Variants in DBP observed in about 807,000 individuals in gnomAD.
DBP encodes D site-binding protein.
DBP carries 12 observed loss-of-function variants against 21.4 expected under a neutral mutation model. That is an observed-to-expected ratio of 0.56 (90% CI 0.36 to 0.91). The LOEUF (loss-of-function observed/expected upper bound fraction) is 0.91, where lower values mean the gene tolerates loss of function less well. Among genes scored for constraint, DBP ranks in the 40% least tolerant of loss-of-function variants. The pLI is 0.01. For missense variants in DBP, 423 were observed against 473.4 expected (o/e 0.89, Z 0.99); for synonymous variants, 213 against 224.9 (o/e 0.95, Z 0.47).
At position 48,636,964 on chromosome 19, in the gene DBP, C is replaced by G. The variant is rs2030833497; in HGVS notation, c.31G>C (p.Ala11Pro). ...GCCGGGCCGCCCAGCAGCAGAGGGG[C>G]CGGGGTCCTGTCGCTCACAGGCCGC... MARPVSDRTP[A>P]PLLLGGPAGT... The change falls in exon 1 of 4, where the codon GCC (alanine) becomes CCC (proline). Residue 11 changes from alanine (A) to proline (P), a missense_variant. By Grantham distance (27) the Ala-to-Pro change is conservative. This residue lies in a region of DBP where 283 missense variants were observed against 273.7 expected (regional missense o/e 1.03). Transcript: ENST00000222122. The G allele has an allele frequency of 6.5e-7, 1 of 1,537,112 alleles. No individual in the cohort carries two copies. The highest frequency in any genetic ancestry group is 1.4e-5 in the African/African-American group (1 of 72,504).
At position 48,630,836 on chromosome 19, in the gene DBP, C is replaced by T. The variant is rs371192457; in HGVS notation, c.*1G>A. The T allele has an allele frequency of 1.3e-6, 2 of 1,584,228 alleles. No homozygotes were observed. Among genetic ancestry groups the T allele is most frequent in the African/African-American group, 1.3e-5 (1 of 74,684 alleles). ...CCGCCAGGTGGGGATGTGGGGCAGC[C>T]TCACAGGGCCCCGTGCTGGGCCTGG... On this transcript the variant is annotated 3_prime_UTR_variant, in exon 4 of 4. Transcript: ENST00000222122. This position sits in a 1 kb window ranked among gnomAD's most constrained non-coding sequence, Gnocchi z 4.9.
rs1297258985 is a variant in DBP at position 48,630,622 on chromosome 19, T to C, written c.*215A>G. On this transcript the variant is annotated 3_prime_UTR_variant, in exon 4 of 4. Transcript: ENST00000222122. This position sits in a 1 kb window ranked among gnomAD's most constrained non-coding sequence, Gnocchi z 4.9. ...GGAGGCGGTGGGAGGATAGGGTCCC[T>C]GACGTGCCGGGGACACACACAGAGA... is the stretch of plus-strand genomic sequence containing the variant. 10 of 1,513,880 alleles carry C rather than the reference T, an allele frequency of 6.6e-6. No homozygotes were observed. The highest frequency in any genetic ancestry group is 1.4e-5 in the African/African-American group (1 of 72,126). 93.8% of individuals were successfully genotyped at this position (1,513,880 alleles called of 1,614,324 possible).
At chr19:48,636,715 A>C (rs1480143385) in intron 1 of DBP, 141 bp downstream of exon 1, 2 of 1,083,818 alleles carry the variant, frequency 1.8e-6, no homozygotes, top group African/African-American at 3.3e-5. Context: ...CTAGGGGCCT[A>C]AACACCTGAG....
In DBP at chr19:48,630,293, G is replaced by A. The variant is rs1178001534; in HGVS notation, c.*544C>T. On this transcript the variant is annotated 3_prime_UTR_variant, in exon 4 of 4. Transcript: ENST00000222122. The surrounding 1 kb of genome is among the most constrained non-coding windows in gnomAD (Gnocchi z 4.9). Reference sequence around the variant, plus strand: ...TGCACTAATGTTCCTCTCCCCGCGGGTGGGGGCGGGGAAATTCATATCCCC... The same window carrying A: ...TGCACTAATGTTCCTCTCCCCGCGGATGGGGGCGGGGAAATTCATATCCCC... The A allele has an allele frequency of 1.8e-5, 23 of 1,287,266 alleles. No individual in the cohort carries two copies. The highest frequency in any genetic ancestry group is 2.3e-5 in the Non-Finnish European group (23 of 1,018,008). The allele number at this position is 1,287,266 out of a possible 1,614,324, so 79.7% of individuals were successfully genotyped here.
intron 1 of DBP, among the ~76,000 whole-genome samples, chr19:48,636,467 C>G (rs1383462406): frequency 6.6e-6 from 1 of 152,054 alleles, no homozygotes; most frequent in African/African-American, 2.4e-5. Flanking sequence ...TCCCTCATCC[C>G]TAGACTCCAT....
Position 48,635,669 on chromosome 19 carries a change from G to C in DBP, c.461C>G (p.Pro154Arg). Residue 154 changes from proline (P) to arginine (R), a missense_variant, in exon 2 of 4, where the codon CCG becomes CGG. Transcript: ENST00000222122. ...GGGGGAAGCCGAGCCGCACGAACCC[G>C]GCCCTGGGGAGGGTGCGGGCGTCCG... ...PARTPAPSPG[P>R]GSCGSASPRS... 6 of 1,308,360 alleles carry C rather than the reference G, an allele frequency of 4.6e-6. No individual in the cohort carries two copies. The African/African-American group carries it at 6.2e-5, about 14-fold the overall frequency. 81.0% of individuals were successfully genotyped at this position (1,308,360 alleles called of 1,614,324 possible).
rs1333126710 is a variant in DBP at position 48,635,328 on chromosome 19, A to G, written c.550+252T>C. The G allele has an allele frequency of 5.4e-6, 7 of 1,290,224 alleles. No homozygotes were observed. In the Admixed American group the frequency reaches 2.2e-4, roughly 41 times the overall value. The allele number at this position is 1,290,224 out of a possible 1,614,324, so 79.9% of individuals were successfully genotyped here. A position where few individuals can be genotyped will look rare whatever the true frequency, so the allele number is the denominator to read the frequency against. On this transcript the variant is annotated intron_variant, in intron 2 of 3. Transcript: ENST00000222122. ...GTTTGTCCCCAAGTCCCACAGAAAA[A>G]CCCACAAAATCTCATTGGGCAGGCT...
rs769328103 is a variant in DBP at position 48,635,943 on chromosome 19, T to G, written c.187A>C (p.Thr63Pro). Residue 63 changes from threonine to proline, a missense_variant, in exon 2 of 4, where the codon ACC becomes CCC. This residue lies in a region of DBP where 283 missense variants were observed against 273.7 expected (regional missense o/e 1.03). Transcript: ENST00000222122. ...ERKAALPAAT[T>P]PGPGLETAGP... ...GCAGTCTCCAGGCCTGGCCCAGGGGTTGTGGCTGCAGGCAGGGCCGCCTTG... is the reference window on the plus strand; with the variant it reads ...GCAGTCTCCAGGCCTGGCCCAGGGGGTGTGGCTGCAGGCAGGGCCGCCTTG... 7.2e-5 allele frequency: 110 copies of G among 1,525,698 alleles called. No individual in the cohort carries two copies. Among genetic ancestry groups the G allele is most frequent in the Non-Finnish European group, 8.7e-5 (99 of 1,143,922 alleles). The allele number at this position is 1,525,698 out of a possible 1,614,324, so 94.5% of individuals were successfully genotyped here.
Position 48,630,449 on chromosome 19 carries a change from A to G in DBP, c.*388T>C. On this transcript the variant is annotated 3_prime_UTR_variant, in exon 4 of 4. Coordinates refer to ENST00000222122, the MANE Select transcript of DBP (RefSeq NM_001352.5). This position sits in a 1 kb window ranked among gnomAD's most constrained non-coding sequence, Gnocchi z 4.9. ...CATCCGACAGCCCGCGGGAGGACTC[A>G]GACTCCAGCACTTCCAGCAGCGCCT... 2.1e-6 allele frequency: 3 copies of G among 1,453,074 alleles called. No homozygotes were observed. The highest frequency in any genetic ancestry group is 2.7e-6 in the Non-Finnish European group (3 of 1,107,312). 90.0% of individuals were successfully genotyped at this position (1,453,074 alleles called of 1,614,324 possible).
In DBP at chr19:48,636,771, G is replaced by A. The variant is rs1160477664; in HGVS notation, c.139+85C>T. The A allele has an allele frequency of 2.7e-6, 4 of 1,501,738 alleles. No individual in the cohort carries two copies. In the East Asian group the frequency reaches 7.2e-5, roughly 27 times the overall value. 93.0% of individuals were successfully genotyped at this position (1,501,738 alleles called of 1,614,324 possible). ...GGGAAGATGGACTCCCCGCACGCAGGTTTCTATGGGACCCCACCCCACGGC... is the reference window on the plus strand; with the variant it reads ...GGGAAGATGGACTCCCCGCACGCAGATTTCTATGGGACCCCACCCCACGGC... On this transcript the variant is annotated intron_variant, in intron 1 of 3. Transcript: ENST00000222122.
intron 1 of DBP, 127 bp downstream of exon 1, chr19:48,636,729 T>C: frequency 1.7e-6 from 2 of 1,157,738 alleles, no homozygotes; most frequent in Non-Finnish European, 2.4e-6. Context: ...ACCTGAGTAA[T>C]TGAGTAGATT....
intron 3 of DBP, chr19:48,631,834 T>A (rs2030600387): frequency 6.6e-6 from 1 of 152,128 alleles, no homozygotes; most frequent in South Asian, 2.1e-4. Flanking sequence ...AAAGCCCAGT[T>A]CCTGCTTGTG....
At position 48,634,613 on chromosome 19, in the gene DBP, T is replaced by C. The variant is rs531613092; in HGVS notation, c.551-958A>G. On this transcript the variant is annotated intron_variant, in intron 2 of 3. Transcript: ENST00000222122. ...CTCCCTTCCTCCCAGGCCCCCGCCATCGGCGCCCTCACGTTCCCCCGGCCC... is the reference window on the plus strand; with the variant it reads ...CTCCCTTCCTCCCAGGCCCCCGCCACCGGCGCCCTCACGTTCCCCCGGCCC... The C allele has an allele frequency of 3.6e-4, 309 of 850,218 alleles. 3 individuals carry two copies. The South Asian group carries it at 4.4e-3, about 12-fold the overall frequency. The allele number at this position is 850,218 out of a possible 1,614,324, so 52.7% of individuals were successfully genotyped here.
Position 48,635,643 on chromosome 19 carries a change from G to C in DBP, c.487C>G (p.Arg163Gly), listed in dbSNP as rs555937572. Residue 163 changes from arginine to glycine, a missense_variant, in exon 2 of 4, where the codon CGC (arginine) becomes GGC (glycine). Physicochemically the swap from Arg to Gly is moderately radical, Grantham distance 125. Coordinates refer to ENST00000222122, the MANE Select transcript of DBP (RefSeq NM_001352.5). Reference protein sequence around the residue: ...GPGSCGSASPRSSPGHAPARA... With the variant: ...GPGSCGSASPGSSPGHAPARA... ...GCGGGGGCGTGCCCAGGAGAGGAGC[G>C]GGGGGAAGCCGAGCCGCACGAACCC... 2,959 of 1,318,108 alleles carry C rather than the reference G, an allele frequency of 2.2e-3. 3 individuals are homozygous for C. Among genetic ancestry groups the C allele is most frequent in the Middle Eastern group, 3.0e-3 (11 of 3,634 alleles). The allele number at this position is 1,318,108 out of a possible 1,614,324, so 81.7% of individuals were successfully genotyped here. A position where few individuals can be genotyped will look rare whatever the true frequency, so the allele number is the denominator to read the frequency against.
chr19:48,630,737 C>A lies in DBP; in HGVS notation c.*100G>T. 7.0e-7 allele frequency: 1 copy of A among 1,437,710 alleles called. No individual in the cohort carries two copies. The highest frequency in any genetic ancestry group is 9.3e-7 in the Non-Finnish European group (1 of 1,077,270). The allele number at this position is 1,437,710 out of a possible 1,614,324, so 89.1% of individuals were successfully genotyped here. A position where few individuals can be genotyped will look rare whatever the true frequency, so the allele number is the denominator to read the frequency against. ...TCTGCATTATCACGTCCCTGGGGCA[C>A]CCAGCTGGCCGGCCCGTGGGCCACA... On this transcript the variant is annotated 3_prime_UTR_variant, in exon 4 of 4. Coordinates refer to ENST00000222122, the MANE Select transcript of DBP (RefSeq NM_001352.5). The surrounding 1 kb of genome is among the most constrained non-coding windows in gnomAD (Gnocchi z 4.9).
At position 48,633,642 on chromosome 19, in the gene DBP, C is replaced by T; in HGVS notation, c.564G>A (p.Arg188=). 1 of 1,613,964 alleles carries T rather than the reference C, an allele frequency of 6.2e-7. No homozygotes were observed. The highest frequency in any genetic ancestry group is 8.5e-7 in the Non-Finnish European group (1 of 1,180,012). Residue 188 remains arginine, a synonymous_variant, in exon 3 of 4, where the codon CGG becomes CGA. Coordinates refer to ENST00000222122, the MANE Select transcript of DBP (RefSeq NM_001352.5). The stretch of plus-strand genomic sequence containing the variant: ...CTGGGTCCACAGGGCTGGGTGTGTC[C>T]CGAGAGGTCAGGCCTTGGGGAAACA... ...ASGHRAGLTS[R]DTPSPVDPDT... is the part of the protein sequence containing the mutation.
At chr19:48,633,088 G>A (rs2030656449) in intron 3 of DBP, 1 of 496,296 alleles carries the variant, frequency 2.0e-6, no homozygotes, top group African/African-American at 1.9e-5. Context: ...CAATCTCCCA[G>A]GCACAAGCAG....
Position 48,630,260 on chromosome 19 carries a change from C to CTAGGAT in DBP, c.*571_*576dup. The CTAGGAT allele has an allele frequency of 7.8e-7, 1 of 1,283,934 alleles. No individual in the cohort carries two copies. Among genetic ancestry groups the CTAGGAT allele is most frequent in the Non-Finnish European group, 9.8e-7 (1 of 1,016,214 alleles). The allele number at this position is 1,283,934 out of a possible 1,614,324, so 79.5% of individuals were successfully genotyped here. A position where few individuals can be genotyped will look rare whatever the true frequency, so the allele number is the denominator to read the frequency against. On this transcript the variant is annotated 3_prime_UTR_variant, in exon 4 of 4. Coordinates refer to ENST00000222122, the MANE Select transcript of DBP (RefSeq NM_001352.5). The surrounding 1 kb of genome is among the most constrained non-coding windows in gnomAD (Gnocchi z 4.9). ...AGGGGCAGGTTCCCCGGGGCCGGCG[C>CTAGGAT]TAGGATTTGCACTAATGTTCCTCTC...
chr19:48,637,035 G>T lies in DBP; in HGVS notation c.-41C>A. The T allele has an allele frequency of 1.4e-6, 2 of 1,446,972 alleles. No homozygotes were observed. Among genetic ancestry groups the T allele is most frequent in the Non-Finnish European group, 1.8e-6 (2 of 1,104,006 alleles). The allele number at this position is 1,446,972 out of a possible 1,614,324, so 89.6% of individuals were successfully genotyped here. On this transcript the variant is annotated 5_prime_UTR_variant, in exon 1 of 4. Coordinates refer to ENST00000222122, the MANE Select transcript of DBP (RefSeq NM_001352.5). ...CCCAGGCTCACGGGTTCATGGAGAGGCGAAGGGCTGGCCTGCCAGTCACCA... is the reference window on the plus strand; with the variant it reads ...CCCAGGCTCACGGGTTCATGGAGAGTCGAAGGGCTGGCCTGCCAGTCACCA...
Sources: allele counts gnomAD v4.1 joint callset (sites outside exome capture counted in the v4.1 genomes callset), GRCh38; gene constraint gnomAD v4.1.1; regional missense constraint gnomAD v4.1.1; non-coding constraint Gnocchi (gnomAD v3.1); transcripts MANE v1.5; gene names NCBI Gene and HGNC (gene_info 2026-07-23, HGNC 2026-07-21).